The following ITGB3 variants were observed in gnomAD, a reference collection of about 807,000 sequenced individuals.
The protein encoded by ITGB3 is integrin beta-3.
Under a neutral mutation model 85.8 loss-of-function variants are expected in ITGB3, and 48 were observed. The observed-to-expected ratio is 0.56, with a 90% CI of 0.44 to 0.71. ITGB3 has a LOEUF of 0.71. Ranked by LOEUF, ITGB3 falls within the 30% of genes least tolerant of loss-of-function variation. The pLI is 0.00. For synonymous variants in ITGB3, 363 were observed against 395.6 expected (o/e 0.92, Z 0.98); for missense variants, 861 against 1,019.1 (o/e 0.84, Z 2.11).
chr17:47,286,443 G>T lies in ITGB3; in HGVS notation c.777+21G>T, dbSNP rs769898257. ...GTGATGTGAGTTTGGAGGACTTGGA[G>T]TGCCAGGTGTGGCTGGCATAGATCA... On this transcript the variant is annotated intron_variant, in intron 5 of 14. Coordinates refer to ENST00000559488, the MANE Select transcript of ITGB3 (RefSeq NM_000212.3). 8 of 1,613,922 alleles carry T rather than the reference G, an allele frequency of 5.0e-6. 1 individual carries two copies. The highest frequency in any genetic ancestry group is 8.5e-7 in the Non-Finnish European group (1 of 1,179,854).
chr17:47,257,737 G>A (rs1418018745), intron 1 of ITGB3, among the ~76,000 whole-genome samples: 1 of 152,216 alleles, frequency 6.6e-6, no homozygotes, highest in African/African-American at 2.4e-5. Flanking sequence ...TGATCTGAGA[G>A]TGTGAAAAAC....
At chr17:47,295,955 G>A (rs2065144502) in intron 10 of ITGB3, among the ~76,000 whole-genome samples, 1 of 152,196 alleles carries the variant, frequency 6.6e-6, no homozygotes, top group South Asian at 2.1e-4. Flanking sequence ...TAGACTCTTC[G>A]CCTCAGGGTG....
At chr17:47,276,141 C>A (rs2065063184) in intron 2 of ITGB3, among the ~76,000 whole-genome samples, 1 of 152,150 alleles carries the variant, frequency 6.6e-6, no homozygotes, top group Non-Finnish European at 1.5e-5. Flanking sequence ...AAGGGTGCTT[C>A]CCCCTTTTCC....
rs768808626 is a variant in ITGB3, at chr17:47,291,053, C to T, written c.1225C>T (p.Leu409Phe). 1 of 1,614,166 alleles carries T rather than the reference C, an allele frequency of 6.2e-7. No individual in the cohort carries two copies. Among genetic ancestry groups the T allele is most frequent in the Non-Finnish European group, 8.5e-7 (1 of 1,180,024 alleles). ...CCTCAACAATGAGGTCATCCCTGGC[C>T]TCAAGTCTTGTATGGGACTCAAGAT... ...TCLNNEVIPG[L>F]KSCMGLKIGD... The change falls in exon 9 of 15, where the codon CTC (leucine) becomes TTC (phenylalanine). Residue 409 changes from leucine (L) to phenylalanine (F), a missense_variant. Physicochemically the swap from Leu to Phe is conservative, Grantham distance 22. Transcript: ENST00000559488.
Position 47,253,840 on chromosome 17 carries a change from A to G in ITGB3, c.-22A>G. 8.3e-7 allele frequency: 1 copy of G among 1,197,744 alleles called. No homozygotes were observed. Among genetic ancestry groups the G allele is most frequent in the African/African-American group, 1.6e-5 (1 of 62,442 alleles). The allele number at this position is 1,197,744 out of a possible 1,614,324, so 74.2% of individuals were successfully genotyped here. A position where few individuals can be genotyped will look rare whatever the true frequency, so the allele number is the denominator to read the frequency against. On this transcript the variant is annotated 5_prime_UTR_variant, in exon 1 of 15. Coordinates refer to ENST00000559488, the MANE Select transcript of ITGB3 (RefSeq NM_000212.3). The stretch of plus-strand genomic sequence containing the variant: ...GCGGCGCCCACTGTGGGGCGGGCGG[A>G]GCGCCGCGGGAGGCGGACGAGATGC...
Position 47,284,624 on chromosome 17 carries a change from A to G in ITGB3, c.543A>G (p.Ala181=), listed in dbSNP as rs768911733. ...GTAACCTGCGGATTGGCTTCGGGGC[A>G]TTTGTGGACAAGCCTGTGTCACCAT... ...LTSNLRIGFG[A]FVDKPVSPYM... The change falls in exon 4 of 15, where the codon GCA becomes GCG. Residue 181 remains alanine, a synonymous_variant. Coordinates refer to ENST00000559488, the MANE Select transcript of ITGB3 (RefSeq NM_000212.3). 1.2e-6 allele frequency: 2 copies of G among 1,614,068 alleles called. No individual in the cohort carries two copies. Among genetic ancestry groups the G allele is most frequent in the Non-Finnish European group, 1.7e-6 (2 of 1,180,004 alleles).
At chr17:47,286,204 C>G in intron 4 of ITGB3, 56 bp from the exon 5 acceptor site, 1 of 1,598,734 alleles carries the variant, frequency 6.3e-7, no homozygotes, top group Non-Finnish European at 8.6e-7. Flanking sequence ...CTCCCAATTC[C>G]CATGCTGCCT....
chr17:47,294,396 C>G (rs187941990), intron 10 of ITGB3, among the ~76,000 whole-genome samples: 148 of 152,336 alleles, frequency 9.7e-4, no homozygotes, highest in Admixed American at 1.6e-3. Context: ...GGTTCCTGGT[C>G]TGGTGTGAGG....
Position 47,283,432 on chromosome 17 carries a change from T to G in ITGB3, c.244T>G (p.Phe82Val). The G allele has an allele frequency of 6.2e-7, 1 of 1,614,112 alleles. No individual in the cohort carries two copies. The highest frequency in any genetic ancestry group is 8.5e-7 in the Non-Finnish European group (1 of 1,180,014). The change falls in exon 3 of 15, where the codon TTC (phenylalanine) becomes GTC (valine). Residue 82 changes from phenylalanine (F) to valine (V), a missense_variant. Phe to Val is a conservative substitution (Grantham distance 50). Transcript: ENST00000559488. ...TAACTGTGCCCCAGAATCCATCGAG[T>G]TCCCAGTGAGTGAGGCCCGAGTACT... ...KDNCAPESIE[F>V]PVSEARVLED...
chr17:47,297,283 T>C (rs1396634497), intron 10 of ITGB3, among the ~76,000 whole-genome samples: 1 of 152,180 alleles, frequency 6.6e-6, no homozygotes, highest in East Asian at 1.9e-4. Context: ...ACAAGGCATA[T>C]GGCCTTGGGA....
At chr17:47,272,700 C>CTTCTTTCTTTCTTTCTTTCTTTCT (rs143829232) in intron 1 of ITGB3, among the ~76,000 whole-genome samples, 186 of 139,720 alleles carry the variant, frequency 1.3e-3, no homozygotes, top group Middle Eastern at 7.0e-3. Context: ...TCTTTCTTTC[C>CTTCTTTCTTTCTTTCTTTCTTTCT]TTCTTTCTTT....
intron 1 of ITGB3, among the ~76,000 whole-genome samples, chr17:47,256,831 C>T (rs2064992215): frequency 6.6e-6 from 1 of 152,168 alleles, no homozygotes; most frequent in Admixed American, 6.5e-5. Context: ...GTGCTTATTT[C>T]TCTTCTGGAG....
chr17:47,292,101 C>T, intron 9 of ITGB3, 38 bp from the exon 10 acceptor site: 1 of 1,607,644 alleles, frequency 6.2e-7, no homozygotes, highest in Non-Finnish European at 8.5e-7. Flanking sequence ...GTTAACTGGG[C>T]CCAACTGTGT....
At chr17:47,288,079 G>T (rs1311997727) in intron 6 of ITGB3, among the ~76,000 whole-genome samples, 2 of 151,552 alleles carry the variant, frequency 1.3e-5, no homozygotes, top group African/African-American at 4.9e-5. Flanking sequence ...TTGAAAACAG[G>T]GTCTTTCTAT....
Position 47,292,197 on chromosome 17 carries a change from T to A in ITGB3, c.1319T>A (p.Phe440Tyr), listed in dbSNP as rs1244292502. 3.7e-6 allele frequency: 6 copies of A among 1,614,108 alleles called. No individual in the cohort carries two copies. The highest frequency in any genetic ancestry group is 1.3e-5 in the African/African-American group (1 of 74,948). Reference protein sequence around the residue: ...RGCPQEKEKSFTIKPVGFKDS... With the variant: ...RGCPQEKEKSYTIKPVGFKDS... ...TGTCCCCAGGAGAAGGAGAAGTCCTTTACCATAAAGCCCGTGGGCTTCAAG... is the reference window on the plus strand; with the variant it reads ...TGTCCCCAGGAGAAGGAGAAGTCCTATACCATAAAGCCCGTGGGCTTCAAG... The change falls in exon 10 of 15, where the codon TTT becomes TAT. Residue 440 changes from phenylalanine to tyrosine, a missense_variant. Physicochemically the swap from Phe to Tyr is conservative, Grantham distance 22 (BLOSUM62 3). Coordinates refer to ENST00000559488, the MANE Select transcript of ITGB3 (RefSeq NM_000212.3).
intron 10 of ITGB3, among the ~76,000 whole-genome samples, chr17:47,298,863 C>T (rs114265536): frequency 0.011 from 1,603 of 152,266 alleles, 34 homozygotes; most frequent in African/African-American, 0.035. Flanking sequence ...GTCACACCGT[C>T]AAGGCTACTG....
chr17:47,260,323 A>G (rs918626161), intron 1 of ITGB3, among the ~76,000 whole-genome samples: 4 of 45,010 alleles, frequency 8.9e-5, no homozygotes, highest in African/African-American at 2.9e-4. Context: ...AAATACTTCA[A>G]TTTGCTCCTG....
chr17:47,257,326 T>C (rs530382366), intron 1 of ITGB3, among the ~76,000 whole-genome samples: 33 of 152,290 alleles, frequency 2.2e-4, no homozygotes, highest in African/African-American at 7.2e-4. Context: ...TCAGCTACTC[T>C]AACCCGGCAA....
chr17:47,310,085 G>A (rs2065207377), intron 14 of ITGB3, 54 bp from the exon 15 acceptor site: 2 of 1,475,710 alleles, frequency 1.4e-6, no homozygotes, highest in Admixed American at 3.4e-5. Context: ...AACATTCAGG[G>A]TAGGGAAGGA....
Sources: gnomAD v4.1 joint callset for allele counts (sites outside exome capture counted in the v4.1 genomes callset) on GRCh38, gnomAD v4.1.1 for gene constraint, MANE v1.5 for transcripts, NCBI Gene and HGNC (gene_info 2026-07-23, HGNC 2026-07-21) for gene names.